IL1R2: variants seen among roughly 807,000 people sequenced by gnomAD.
IL1R2 encodes interleukin-1 receptor type 2.
A neutral mutation model predicts 39.5 loss-of-function variants in IL1R2; 46 were observed. The ratio of observed to expected loss-of-function variants is 1.16; its 90% CI spans 0.92 to 1.49. IL1R2 has a LOEUF of 1.49. IL1R2 is among the 40% of genes most tolerant of loss of function. IL1R2 has a pLI of 0.00. For missense variants in IL1R2, 537 were observed against 502.0 expected (o/e 1.07, Z -0.67); for synonymous variants, 207 against 189.6 (o/e 1.09, Z -0.75).
intron 1 of IL1R2, among the ~76,000 whole-genome samples, chr2:101,995,866 T>C (rs1489222366): frequency 6.6e-6 from 1 of 151,976 alleles, no homozygotes; most frequent in Non-Finnish European, 1.5e-5. Context: ...TGCCGGAGGG[T>C]GGAGATTATT....
intron 1 of IL1R2, among the ~76,000 whole-genome samples, chr2:101,994,360 C>G (rs1401239645): frequency 6.6e-6 from 1 of 152,134 alleles, no homozygotes; most frequent in South Asian, 2.1e-4. Flanking sequence ...TGGCCTCTAG[C>G]AGCAACAGGA....
intron 5 of IL1R2, among the ~76,000 whole-genome samples, chr2:102,021,652 C>A (rs1454749694): frequency 6.6e-6 from 1 of 152,208 alleles, no homozygotes; most frequent in Non-Finnish European, 1.5e-5. Flanking sequence ...CCTTGGAGAT[C>A]CACTTCTGCC....
At chr2:102,017,307 G>T (rs1677065208) in intron 4 of IL1R2, among the ~76,000 whole-genome samples, 1 of 150,070 alleles carries the variant, frequency 6.7e-6, no homozygotes, top group South Asian at 2.1e-4. Context: ...TGAAGCAGGA[G>T]AATCACTTGA....
chr2:102,020,805 G>T (rs915087378), intron 5 of IL1R2, among the ~76,000 whole-genome samples: 3 of 152,146 alleles, frequency 2.0e-5, no homozygotes, highest in Admixed American at 2.0e-4. Context: ...GGGGGCAGCC[G>T]CCCTACATGC....
At chr2:102,022,071 T>C in intron 5 of IL1R2, 116 bp from the exon 6 acceptor site, 2 of 837,828 alleles carry the variant, frequency 2.4e-6, no homozygotes, top group African/African-American at 1.7e-5. Flanking sequence ...CTGACTCTCA[T>C]AATGACTGGC....
At chr2:101,997,364 C>A (rs1211974560) in intron 1 of IL1R2, among the ~76,000 whole-genome samples, 1 of 152,168 alleles carries the variant, frequency 6.6e-6, no homozygotes, top group Non-Finnish European at 1.5e-5. Flanking sequence ...GTTTAGCAAC[C>A]AGCAGGGCAT....
At chr2:102,020,831 T>G (rs1185135812) in intron 5 of IL1R2, among the ~76,000 whole-genome samples, 1 of 152,186 alleles carries the variant, frequency 6.6e-6, no homozygotes, top group Non-Finnish European at 1.5e-5. Context: ...TGTGTTGTGA[T>G]CCTCCCAGGA....
At chr2:102,005,789 G>A (rs1676224528) in intron 1 of IL1R2, among the ~76,000 whole-genome samples, 1 of 152,194 alleles carries the variant, frequency 6.6e-6, no homozygotes, top group African/African-American at 2.4e-5. Context: ...AGATTCGGGG[G>A]TTCTATTATT....
intron 1 of IL1R2, among the ~76,000 whole-genome samples, chr2:101,992,710 T>G (rs1321800661): frequency 7.5e-5 from 10 of 133,306 alleles, no homozygotes; most frequent in African/African-American, 1.7e-4. Context: ...GGGAGAGACA[T>G]AGAGACAGAG....
intron 1 of IL1R2, among the ~76,000 whole-genome samples, chr2:101,997,891 T>C (rs1419925871): frequency 6.6e-6 from 1 of 152,196 alleles, no homozygotes; most frequent in Non-Finnish European, 1.5e-5. Context: ...TGATTCCTCT[T>C]GTACCTTCCC....
chr2:102,006,786 G>A (rs1269910866), intron 1 of IL1R2, among the ~76,000 whole-genome samples: 1 of 152,248 alleles, frequency 6.6e-6, no homozygotes, highest in African/African-American at 2.4e-5. Flanking sequence ...TGGCACGACT[G>A]CTCCCACTTC....
chr2:102,002,884 G>GTC (rs919482343), intron 1 of IL1R2, among the ~76,000 whole-genome samples: 2 of 151,672 alleles, frequency 1.3e-5, no homozygotes, highest in Non-Finnish European at 2.9e-5. Flanking sequence ...CTGTGTCTGT[G>GTC]TCTCTGCCTG....
At chr2:102,014,741 G>A (rs926310343) in intron 3 of IL1R2, among the ~76,000 whole-genome samples, 2 of 151,688 alleles carry the variant, frequency 1.3e-5, no homozygotes, top group African/African-American at 4.8e-5. Context: ...TATTGTCTCT[G>A]TCAAAGTCTC....
chr2:102,006,806 C>T (rs757128343), intron 1 of IL1R2, among the ~76,000 whole-genome samples: 3 of 152,346 alleles, frequency 2.0e-5, no homozygotes, highest in East Asian at 1.9e-4. Flanking sequence ...CCGGCCCTGC[C>T]GATGGCCGGG....
At chr2:102,016,173 AC>A in intron 4 of IL1R2, 122 bp downstream of exon 4, 1 of 730,538 alleles carries the variant, frequency 1.4e-6, no homozygotes, top group South Asian at 2.3e-5. Context: ...ACAAACACAC[AC>A]ATGGTTTGCC....
intron 4 of IL1R2, among the ~76,000 whole-genome samples, chr2:102,019,027 A>T (rs980144966): frequency 6.6e-6 from 1 of 152,182 alleles, no homozygotes; most frequent in Non-Finnish European, 1.5e-5. Flanking sequence ...TTGTGTGCTC[A>T]TTAGGGTGTT....
intron 4 of IL1R2, chr2:102,016,431 T>G (rs949531470): frequency 1.2e-5 from 2 of 169,398 alleles, no homozygotes; most frequent in African/African-American, 4.8e-5. Context: ...CATAGCTGTC[T>G]CAACATCATA....
At chr2:102,006,526 T>C (rs1161520725) in intron 1 of IL1R2, among the ~76,000 whole-genome samples, 1 of 152,172 alleles carries the variant, frequency 6.6e-6, no homozygotes, top group Non-Finnish European at 1.5e-5. Context: ...AATGCCGCAA[T>C]GCCGCCCTGG....
chr2:102,000,919 G>A (rs987298429), intron 1 of IL1R2, among the ~76,000 whole-genome samples: 4 of 152,204 alleles, frequency 2.6e-5, no homozygotes, highest in Non-Finnish European at 4.4e-5. Flanking sequence ...ACAAATACCA[G>A]GCTGGGAGAA....
Sources: gnomAD v4.1 joint callset for allele counts (sites outside exome capture counted in the v4.1 genomes callset) on GRCh38, gnomAD v4.1.1 for gene constraint, MANE v1.5 for transcripts, NCBI Gene and HGNC (gene_info 2026-07-23, HGNC 2026-07-21) for gene names.